The following ACTR3C variants were observed in gnomAD, a reference collection of about 807,000 sequenced individuals.
The protein encoded by ACTR3C is actin-related protein 3C.
ACTR3C carries 18 observed loss-of-function variants against 26.3 expected under a neutral mutation model. The ratio of observed to expected loss-of-function variants is 0.68; its 90% confidence interval spans 0.47 to 1.01. ACTR3C has a LOEUF of 1.01. ACTR3C is among the 50% of genes least tolerant of loss of function. ACTR3C has a pLI of 0.00. For synonymous variants in ACTR3C, 55 were observed against 94.5 expected, an observed-to-expected ratio of 0.58 and a Z score of 2.42; for missense variants, 184 against 250.7, an observed-to-expected ratio of 0.73 and a Z score of 1.80.
the ACTR3C span, among the ~76,000 whole-genome samples, chr7:150,136,723 C>T: frequency 6.7e-6 from 1 of 149,220 alleles, no homozygotes; most frequent in South Asian, 2.1e-4. Flanking sequence ...ACCTGAAAGT[C>T]AGTACAAGTT....
chr7:149,989,873 G>C, the ACTR3C span, among the ~76,000 whole-genome samples: 9,412 of 152,056 alleles, frequency 0.062, 954 homozygotes, highest in African/African-American at 0.22. Context: ...TTTCCATATG[G>C]CTGTAAAACT....
chr7:150,182,812 A>G, the ACTR3C span, among the ~76,000 whole-genome samples: 1 of 151,090 alleles, frequency 6.6e-6, no homozygotes, highest in African/African-American at 2.5e-5. Flanking sequence ...CAAACAATTT[A>G]ATTCTTTGCA....
At chr7:150,170,149 G>A in the ACTR3C span, among the ~76,000 whole-genome samples, 1 of 149,798 alleles carries the variant, frequency 6.7e-6, no homozygotes, top group African/African-American at 2.5e-5. Context: ...GTTCCCTCAT[G>A]TGACTGACGG....
the ACTR3C span, among the ~76,000 whole-genome samples, chr7:150,102,182 T>C: frequency 6.6e-6 from 1 of 151,576 alleles, no homozygotes; most frequent in African/African-American, 2.4e-5. Flanking sequence ...GCAGATGTCC[T>C]GAAGATTCTG....
the ACTR3C span, among the ~76,000 whole-genome samples, chr7:150,124,323 C>T: frequency 3.9e-5 from 6 of 152,232 alleles, no homozygotes; most frequent in South Asian, 2.1e-4. Flanking sequence ...GCAGTTTTAG[C>T]GAAATATCTT....
At chr7:150,039,551 G>C in the ACTR3C span, among the ~76,000 whole-genome samples, 1 of 91,136 alleles carries the variant, frequency 1.1e-5, no homozygotes, top group African/African-American at 3.6e-5. Flanking sequence ...CCCAGAGCCA[G>C]GGGGGGAAGA....
the ACTR3C span, among the ~76,000 whole-genome samples, chr7:150,067,439 T>G: frequency 6.6e-6 from 1 of 152,126 alleles, no homozygotes; most frequent in Non-Finnish European, 1.5e-5. Flanking sequence ...CCAAGTATGT[T>G]TATATTTATA....
At chr7:150,047,858 G>C in the ACTR3C span, 1 of 1,498,400 alleles carries the variant, frequency 6.7e-7, no homozygotes. Flanking sequence ...AAGCCATCGG[G>C]CACCGCGCTC....
chr7:150,192,296 T>C, the ACTR3C span, among the ~76,000 whole-genome samples: 3 of 151,682 alleles, frequency 2.0e-5, no homozygotes, highest in Non-Finnish European at 2.9e-5. Context: ...AACATTTTAT[T>C]ACTTTTTTTT....
chr7:149,906,260 G>A, the ACTR3C span, among the ~76,000 whole-genome samples: 2 of 151,926 alleles, frequency 1.3e-5, no homozygotes, highest in African/African-American at 2.4e-5. Context: ...CTATCCACCA[G>A]AGGAAAGAAA....
chr7:150,056,197 A>G, the ACTR3C span, among the ~76,000 whole-genome samples: 7 of 152,236 alleles, frequency 4.6e-5, no homozygotes, highest in Non-Finnish European at 8.8e-5. Context: ...ATATCAGTAT[A>G]CACACAATAG....
At chr7:150,022,514 G>A in the ACTR3C span, among the ~76,000 whole-genome samples, 1 of 151,812 alleles carries the variant, frequency 6.6e-6, no homozygotes, top group Non-Finnish European at 1.5e-5. Flanking sequence ...ACTCTCAGCG[G>A]GGTCTTTATC....
chr7:150,041,760 A>T, the ACTR3C span, among the ~76,000 whole-genome samples: 2 of 113,584 alleles, frequency 1.8e-5, no homozygotes, highest in African/African-American at 4.0e-5. Context: ...AGGGGGGGGA[A>T]GAGGGACTGG....
At chr7:149,927,538 G>C in the ACTR3C span, among the ~76,000 whole-genome samples, 1 of 151,924 alleles carries the variant, frequency 6.6e-6, no homozygotes, top group Non-Finnish European at 1.5e-5. Context: ...AGACCGGCCT[G>C]ACCAACATGG....
At chr7:150,164,874 C>T in the ACTR3C span, among the ~76,000 whole-genome samples, 1 of 152,126 alleles carries the variant, frequency 6.6e-6, no homozygotes, top group South Asian at 2.1e-4. Flanking sequence ...CCAGGTGACT[C>T]GTTATAGGGA....
chr7:150,312,817 T>C (rs1392253472), intron 1 of ACTR3C, among the ~76,000 whole-genome samples: 1 of 152,198 alleles, frequency 6.6e-6, no homozygotes, highest in Non-Finnish European at 1.5e-5. Context: ...AAGACAGGAA[T>C]GTCAGGCCTC....
the ACTR3C span, among the ~76,000 whole-genome samples, chr7:150,102,198 T>C: frequency 6.6e-6 from 1 of 151,556 alleles, no homozygotes; most frequent in Non-Finnish European, 1.5e-5. Flanking sequence ...TTCTGAGCCT[T>C]GGTACCAGGG....
chr7:150,005,702 C>T, the ACTR3C span, among the ~76,000 whole-genome samples: 11 of 152,260 alleles, frequency 7.2e-5, no homozygotes, highest in South Asian at 2.1e-3. Context: ...GTCAGATTCA[C>T]CAGCTTCTGC....
the ACTR3C span, among the ~76,000 whole-genome samples, chr7:150,148,165 G>A: frequency 2.6e-3 from 323 of 124,354 alleles, no homozygotes; most frequent in South Asian, 8.0e-3. Context: ...AAAAAAAAAA[G>A]AAAAGAAAAG....
Sources: allele counts gnomAD v4.1 joint callset (sites outside exome capture counted in the v4.1 genomes callset), GRCh38; gene constraint gnomAD v4.1.1; transcripts MANE v1.5; gene names NCBI Gene and HGNC (gene_info 2026-07-23, HGNC 2026-07-21).